The following ST6GALNAC5 variants were observed in gnomAD, a reference collection of about 807,000 sequenced individuals.
ST6GALNAC5 encodes alpha-N-acetylgalactosaminide alpha-2,6-sialyltransferase 5.
ST6GALNAC5 carries 27 observed loss-of-function variants against 33.6 expected under a neutral mutation model. That is an observed-to-expected ratio of 0.80 (90% confidence interval 0.59 to 1.11). The LOEUF (loss-of-function observed/expected upper bound fraction) is 1.11, where lower values mean the gene tolerates loss of function less well. Ranked by LOEUF, ST6GALNAC5 falls within the 50% of genes least tolerant of loss-of-function variation. The probability of loss-of-function intolerance (pLI) is 0.00; values close to 1 mark genes in which losing one functional copy is unlikely to be tolerated. For synonymous variants in ST6GALNAC5, 194 were observed against 171.2 expected, an observed-to-expected ratio of 1.13 and a Z score of -1.04; for missense variants, 428 against 454.0, an observed-to-expected ratio of 0.94 and a Z score of 0.52.
chr1:76,870,126 C>A (rs1373349654), intron 2 of ST6GALNAC5, among the ~76,000 whole-genome samples: 1 of 152,076 alleles, frequency 6.6e-6, no homozygotes. Flanking sequence ...ACTTAAAATC[C>A]AAAAGCAGAA....
chr1:76,947,169 AT>A (rs1212803906), intron 2 of ST6GALNAC5, among the ~76,000 whole-genome samples: 1 of 152,080 alleles, frequency 6.6e-6, no homozygotes, highest in African/African-American at 2.4e-5. Flanking sequence ...TAGGGTGAAT[AT>A]GTTTTATACA....
chr1:77,037,533 C>A (rs758210181), intron 2 of ST6GALNAC5, among the ~76,000 whole-genome samples: 5 of 151,706 alleles, frequency 3.3e-5, no homozygotes, highest in African/African-American at 1.2e-4. Context: ...GCATGTGTAC[C>A]CCTGCATCTA....
intron 2 of ST6GALNAC5, among the ~76,000 whole-genome samples, chr1:76,903,868 T>C (rs1646840291): frequency 6.6e-6 from 1 of 151,924 alleles, no homozygotes; most frequent in South Asian, 2.1e-4. Flanking sequence ...AATAAGCAAA[T>C]CCATACAAAC....
intron 2 of ST6GALNAC5, chr1:76,995,426 G>A (rs1234707640): frequency 6.6e-6 from 1 of 152,202 alleles, no homozygotes; most frequent in Non-Finnish European, 1.5e-5. Context: ...CCTTCAGAAT[G>A]GCATTGAAAG....
chr1:76,902,567 A>G (rs997514792), intron 2 of ST6GALNAC5, among the ~76,000 whole-genome samples: 3 of 152,170 alleles, frequency 2.0e-5, no homozygotes, highest in Admixed American at 2.0e-4. Context: ...GGGACTCAGA[A>G]TAGCCAAAAC....
intron 2 of ST6GALNAC5, among the ~76,000 whole-genome samples, chr1:76,984,853 G>C (rs1649414424): frequency 6.6e-6 from 1 of 152,192 alleles, no homozygotes; most frequent in Admixed American, 6.5e-5. Context: ...ATGCAAGGCT[G>C]TTTCAACATA....
At chr1:76,922,614 G>C (rs1647044534) in intron 2 of ST6GALNAC5, among the ~76,000 whole-genome samples, 1 of 152,096 alleles carries the variant, frequency 6.6e-6, no homozygotes, top group Non-Finnish European at 1.5e-5. Flanking sequence ...AGATAGTGTG[G>C]TATTACCAGA....
At chr1:76,976,684 G>T (rs1649025653) in intron 2 of ST6GALNAC5, among the ~76,000 whole-genome samples, 1 of 151,958 alleles carries the variant, frequency 6.6e-6, no homozygotes, top group South Asian at 2.1e-4. Context: ...TTGTATATTT[G>T]CATCAAAATA....
chr1:76,922,846 G>A (rs969704335), intron 2 of ST6GALNAC5, among the ~76,000 whole-genome samples: 1 of 151,590 alleles, frequency 6.6e-6, no homozygotes, highest in Non-Finnish European at 1.5e-5. Context: ...TGAAGAGGGA[G>A]GATCACTTAA....
At chr1:76,970,769 G>C (rs1022534772) in intron 2 of ST6GALNAC5, among the ~76,000 whole-genome samples, 3 of 152,060 alleles carry the variant, frequency 2.0e-5, no homozygotes, top group African/African-American at 7.2e-5. Context: ...ATTTTTTTTA[G>C]TATGACTTTC....
chr1:76,901,841 A>G (rs952226453), intron 2 of ST6GALNAC5, among the ~76,000 whole-genome samples: 7 of 152,130 alleles, frequency 4.6e-5, no homozygotes, highest in African/African-American at 1.7e-4. Flanking sequence ...GAGTGTGTTC[A>G]TCAGATAGCC....
chr1:77,063,203 C>A lies in ST6GALNAC5; in HGVS notation c.1008C>A (p.Phe336Leu). The A allele has an allele frequency of 6.2e-7, 1 of 1,613,020 alleles. No homozygotes were observed. The highest frequency in any genetic ancestry group is 2.2e-5 in the East Asian group (1 of 44,860). The change falls in exon 5 of 5, where the codon TTC becomes TTA. Residue 336 changes from phenylalanine to leucine, a missense_variant. Coordinates refer to ENST00000477717, the MANE Select transcript of ST6GALNAC5 (RefSeq NM_030965.3). Reference sequence around the variant, plus strand: ...ATCATCCTGAGAATAAACCTGTGTTCTAAGGAATGAGCATGCCAGACTGTA... The same window carrying A: ...ATCATCCTGAGAATAAACCTGTGTTATAAGGAATGAGCATGCCAGACTGTA... ...AINHPENKPV[F>L]
intron 2 of ST6GALNAC5, among the ~76,000 whole-genome samples, chr1:76,997,238 T>G (rs1210012432): frequency 6.6e-6 from 1 of 152,188 alleles, no homozygotes; most frequent in Non-Finnish European, 1.5e-5. Context: ...AGTTTTCACA[T>G]GTAGGCGGTA....
At chr1:76,873,800 T>A (rs938358682) in intron 2 of ST6GALNAC5, among the ~76,000 whole-genome samples, 6 of 152,220 alleles carry the variant, frequency 3.9e-5, no homozygotes, top group Non-Finnish European at 5.9e-5. Flanking sequence ...TTTTTAATCA[T>A]CACAATGTGT....
chr1:77,044,152 T>G, intron 2 of ST6GALNAC5, 52 bp from the exon 3 acceptor site: 3 of 1,526,104 alleles, frequency 2.0e-6, no homozygotes, highest in Non-Finnish European at 2.6e-6. Context: ...TGGTGCTGAG[T>G]GAGGGTTAAG....
intron 2 of ST6GALNAC5, among the ~76,000 whole-genome samples, chr1:76,903,563 T>C (rs1465298023): frequency 6.6e-6 from 1 of 152,184 alleles, no homozygotes; most frequent in African/African-American, 2.4e-5. Flanking sequence ...AATATCTAGC[T>C]ACAAAAAACT....
At chr1:76,989,346 C>T (rs1451730462) in intron 2 of ST6GALNAC5, among the ~76,000 whole-genome samples, 1 of 151,806 alleles carries the variant, frequency 6.6e-6, no homozygotes, top group African/African-American at 2.4e-5. Context: ...TCTCTTCCTG[C>T]TATGCTACCA....
intron 2 of ST6GALNAC5, among the ~76,000 whole-genome samples, chr1:76,912,677 A>C (rs1453598153): frequency 6.6e-6 from 1 of 150,644 alleles, no homozygotes; most frequent in Non-Finnish European, 1.5e-5. Context: ...ACCATTATGT[A>C]ATGGCCTTCT....
intron 2 of ST6GALNAC5, among the ~76,000 whole-genome samples, chr1:76,907,168 G>A (rs372712794): frequency 2.0e-5 from 3 of 152,006 alleles, no homozygotes; most frequent in Non-Finnish European, 2.9e-5. Context: ...CCATCACCAC[G>A]AGAGGGATCC....
Sources: allele counts gnomAD v4.1 joint callset (sites outside exome capture counted in the v4.1 genomes callset), GRCh38; gene constraint gnomAD v4.1.1; transcripts MANE v1.5; gene names NCBI Gene and HGNC (gene_info 2026-07-23, HGNC 2026-07-21).